The following MMS19 variants were observed in gnomAD, a reference collection of about 807,000 sequenced individuals.
MMS19 encodes the protein MMS19 nucleotide excision repair protein homolog.
Under a neutral mutation model 129.8 loss-of-function variants are expected in MMS19, and 77 were observed. The ratio of observed to expected loss-of-function variants is 0.59; its 90% CI spans 0.49 to 0.72. The LOEUF (loss-of-function observed/expected upper bound fraction) is 0.72. MMS19 is among the 30% of genes least tolerant of loss of function. The pLI is 0.00. For missense variants in MMS19, 1,168 were observed against 1,266.3 expected, an observed-to-expected ratio of 0.92 and a Z score of 1.18; for synonymous variants, 491 against 502.8, an observed-to-expected ratio of 0.98 and a Z score of 0.31.
rs1013708020 is a variant in MMS19 at position 97,498,402 on chromosome 10, G to T, written c.-18C>A. On this transcript the variant is annotated 5_prime_UTR_variant, in exon 1 of 31. Coordinates refer to ENST00000438925, the MANE Select transcript of MMS19 (RefSeq NM_022362.5). ...GCGGCCATAACGCGAACTAGAGACCGTGGGAGGGGATATGGGCGGTGGCTC... is the reference window on the plus strand; with the variant it reads ...GCGGCCATAACGCGAACTAGAGACCTTGGGAGGGGATATGGGCGGTGGCTC... The T allele has an allele frequency of 6.3e-7, 1 of 1,577,890 alleles. No homozygotes were observed.
chr10:97,483,738 A>C (rs2037306853), intron 2 of MMS19, among the ~76,000 whole-genome samples: 3 of 152,198 alleles, frequency 2.0e-5, no homozygotes, highest in African/African-American at 7.2e-5. Context: ...GCTTGTTCTG[A>C]GTCAGGTCTA....
At chr10:97,462,948 A>T (rs947694710) in intron 19 of MMS19, 8 of 369,568 alleles carry the variant, frequency 2.2e-5, no homozygotes, top group Non-Finnish European at 3.4e-5. Context: ...GCTAAGATGA[A>T]CATTCTTAAC....
chr10:97,480,624 C>T (rs931019550), intron 3 of MMS19, among the ~76,000 whole-genome samples: 3 of 152,130 alleles, frequency 2.0e-5, no homozygotes, highest in Non-Finnish European at 4.4e-5. Flanking sequence ...CTCTGTCATC[C>T]AGGCTGGAGT....
At chr10:97,482,753 C>CAA (rs1375268817) in intron 2 of MMS19, among the ~76,000 whole-genome samples, 1 of 149,812 alleles carries the variant, frequency 6.7e-6, no homozygotes, top group Non-Finnish European at 1.5e-5. Context: ...CACACACACA[C>CAA]ACACACACAC....
intron 7 of MMS19, 22 bp downstream of exon 7, chr10:97,476,813 A>C (rs2035861762): frequency 3.7e-6 from 6 of 1,613,854 alleles, no homozygotes; most frequent in Non-Finnish European, 5.1e-6. Flanking sequence ...CCAATGAGCT[A>C]ATCATGGCTA....
At chr10:97,467,977 T>A (rs899249744) in intron 13 of MMS19, among the ~76,000 whole-genome samples, 12 of 151,792 alleles carry the variant, frequency 7.9e-5, no homozygotes, top group African/African-American at 1.7e-4. Flanking sequence ...TTGGCTAATT[T>A]AAAAAAAATT....
intron 23 of MMS19, 153 bp downstream of exon 23, chr10:97,461,343 T>C (rs1419047494): frequency 4.3e-6 from 4 of 929,804 alleles, no homozygotes; most frequent in South Asian, 1.8e-5. Context: ...TCTTGACGCT[T>C]TTCCCACGGG....
intron 1 of MMS19, among the ~76,000 whole-genome samples, chr10:97,492,134 T>G (rs1460873295): frequency 4.3e-5 from 3 of 70,330 alleles, no homozygotes; most frequent in African/African-American, 5.7e-5. Flanking sequence ...TGAAACTCAA[T>G]CTAAAAAAAA....
At position 97,468,950 on chromosome 10, in the gene MMS19, G is replaced by T. The variant is rs1243582044; in HGVS notation, c.1063+16C>A. ...ATTGTGCTCACTCCCCTTCCTGGCT[G>T]CCACGGCCCCATTACCCTGTAGAAT... On this transcript the variant is annotated intron_variant, in intron 12 of 30. Transcript: ENST00000438925. 3 of 1,578,744 alleles carry T rather than the reference G, an allele frequency of 1.9e-6. No homozygotes were observed. The highest frequency in any genetic ancestry group is 2.3e-5 in the South Asian group (2 of 86,448).
intron 1 of MMS19, among the ~76,000 whole-genome samples, chr10:97,488,155 C>T (rs2038239339): frequency 6.6e-6 from 1 of 151,510 alleles, no homozygotes; most frequent in African/African-American, 2.4e-5. Flanking sequence ...ACAGGCATTC[C>T]ACATAAAAGG....
chr10:97,498,191 CCCTT>C (rs983186550), intron 1 of MMS19, 78 bp downstream of exon 1: 1 of 1,327,962 alleles, frequency 7.5e-7, no homozygotes, highest in African/African-American at 1.5e-5. Flanking sequence ...CCCCGCTCCT[CCCTT>C]CCCGCCCGGC....
rs745329797 is a variant in MMS19, at chr10:97,458,814, T to G, written c.3051A>C (p.Ser1017=). The G allele has an allele frequency of 5.0e-6, 8 of 1,614,010 alleles. No individual in the cohort carries two copies. ...TAGAAACTCACCACTCCCCTCTGGCTGACACTGCTTCCTTGCGCACCAGTC... is the reference window on the plus strand; with the variant it reads ...TAGAAACTCACCACTCCCCTCTGGCGGACACTGCTTCCTTGCGCACCAGTC... ...KKRLVRKEAV[S]ARGEWFLLGS... is the part of the protein sequence containing the mutation. Residue 1017 remains serine, a synonymous_variant, in exon 30 of 31, where the codon TCA becomes TCC. Coordinates refer to ENST00000438925, the MANE Select transcript of MMS19 (RefSeq NM_022362.5).
rs184024456 is a variant in MMS19, at chr10:97,491,634, G to A, written c.112+6639C>T. Among the ~76,000 whole-genome samples the A allele has an allele frequency of 1.7e-3, 263 of 152,292 alleles. 1 individual carries two copies. The highest frequency in any genetic ancestry group is 3.1e-3 in the Non-Finnish European group (209 of 68,030). The stretch of plus-strand genomic sequence containing the variant: ...GAGCCGAAATCACGCCTGGGCGATA[G>A]AGCGAGACTCCGTCTCAAAGAAAAA... On this transcript the variant is annotated intron_variant, in intron 1 of 30. Coordinates refer to ENST00000438925, the MANE Select transcript of MMS19 (RefSeq NM_022362.5).
At chr10:97,488,113 A>G (rs534918570) in intron 1 of MMS19, among the ~76,000 whole-genome samples, 2 of 152,282 alleles carry the variant, frequency 1.3e-5, no homozygotes, top group South Asian at 4.1e-4. Context: ...AATAAAATTA[A>G]AAAAACAAAA....
At chr10:97,476,176 G>A (rs1048673185) in intron 8 of MMS19, among the ~76,000 whole-genome samples, 1 of 152,214 alleles carries the variant, frequency 6.6e-6, no homozygotes, top group Non-Finnish European at 1.5e-5. Context: ...AATACCTTCT[G>A]TACACTGTGC....
At position 97,461,629 on chromosome 10, in the gene MMS19, A is replaced by AAAACCTGGCCATGT; in HGVS notation, c.2185-21_2185-8dup. 6.3e-7 allele frequency: 1 copy of AAAACCTGGCCATGT among 1,596,714 alleles called. No homozygotes were observed. Among genetic ancestry groups the AAAACCTGGCCATGT allele is most frequent in the Non-Finnish European group, 8.5e-7 (1 of 1,171,552 alleles). On this transcript the variant is annotated splice_region_variant and splice_polypyrimidine_tract_variant and intron_variant, in intron 22 of 30. Transcript: ENST00000438925. ...TCAGCTGAGGGATTTCCACCTACAG[A>AAAACCTGGCCATGT]AAACCTGGCCATGTAATGGACCCAG...
At chr10:97,468,148 C>G (rs890840208) in intron 13 of MMS19, 104 bp downstream of exon 13, 1 of 1,189,334 alleles carries the variant, frequency 8.4e-7, no homozygotes, top group African/African-American at 1.6e-5. Context: ...GAGCAAAACC[C>G]AAGGTCTACT....
At chr10:97,477,086 T>A in intron 6 of MMS19, 123 bp from the exon 7 acceptor site, 1 of 1,533,466 alleles carries the variant, frequency 6.5e-7, no homozygotes, top group Admixed American at 2.2e-5. Context: ...TGACCCTTTT[T>A]CCATTCCAAG....
intron 1 of MMS19, among the ~76,000 whole-genome samples, chr10:97,489,996 C>T (rs1224921878): frequency 6.6e-6 from 1 of 152,162 alleles, no homozygotes. Context: ...CTTTCTGGTA[C>T]TCTTTTATTT....
Sources: gnomAD v4.1 joint callset for allele counts (sites outside exome capture counted in the v4.1 genomes callset) on GRCh38, gnomAD v4.1.1 for gene constraint, MANE v1.5 for transcripts, NCBI Gene and HGNC (gene_info 2026-07-23, HGNC 2026-07-21) for gene names.